NDUFAF6: variants seen among roughly 807,000 people sequenced by gnomAD.
NDUFAF6 encodes the protein NADH dehydrogenase (ubiquinone) complex I, assembly factor 6.
In NDUFAF6, 45 loss-of-function variants were observed where a neutral mutation model predicts 40.8. The ratio of observed to expected loss-of-function variants is 1.10; its 90% confidence interval spans 0.87 to 1.42. NDUFAF6 has a LOEUF of 1.42. Among genes scored for constraint, NDUFAF6 ranks in the 40% most tolerant of loss-of-function variants. The pLI, the probability that NDUFAF6 is intolerant of heterozygous loss-of-function variation, is 0.00. For synonymous variants in NDUFAF6, 185 were observed against 155.9 expected, an observed-to-expected ratio of 1.19 and a Z score of -1.39; for missense variants, 435 against 418.5, an observed-to-expected ratio of 1.04 and a Z score of -0.34.
intron 2 of NDUFAF6, among the ~76,000 whole-genome samples, chr8:95,082,585 G>C (rs549022518): frequency 6.6e-6 from 1 of 151,552 alleles, no homozygotes; most frequent in East Asian, 1.9e-4. Context: ...TGGTAGGGGC[G>C]GGGGTGGGAG....
intron 2 of NDUFAF6, chr8:94,951,383 A>G (rs1822604130): frequency 6.6e-6 from 1 of 152,236 alleles, no homozygotes; most frequent in Non-Finnish European, 1.5e-5. Flanking sequence ...ATAAATGATC[A>G]TTGTTTTAAG....
chr8:94,941,211 T>C (rs960571997), intron 1 of NDUFAF6: 3 of 304,086 alleles, frequency 9.9e-6, no homozygotes, highest in African/African-American at 6.4e-5. Flanking sequence ...ATTCTACAGC[T>C]ATTCCCTTTC....
intron 2 of NDUFAF6, among the ~76,000 whole-genome samples, chr8:95,009,297 CAT>C (rs945016683): frequency 6.6e-6 from 1 of 152,140 alleles, no homozygotes; most frequent in Non-Finnish European, 1.5e-5. Flanking sequence ...TCAGCCAGCA[CAT>C]AATACATATA....
intron 1 of NDUFAF6, among the ~76,000 whole-genome samples, chr8:94,943,827 G>C (rs1438681140): frequency 1.3e-5 from 2 of 152,306 alleles, no homozygotes; most frequent in East Asian, 3.9e-4. Context: ...AGTGTCACTT[G>C]CATAACCAGT....
At chr8:95,048,584 C>A in intron 7 of NDUFAF6, 26 bp downstream of exon 7, 1 of 1,471,618 alleles carries the variant, frequency 6.8e-7, no homozygotes. Context: ...TTTGCCAAAT[C>A]ATTTAGGGAA....
intron 1 of NDUFAF6, chr8:94,927,641 CAATT>C (rs1247538537): frequency 8.6e-5 from 13 of 151,906 alleles, no homozygotes; most frequent in African/African-American, 2.4e-4. Flanking sequence ...GTGCAGTACA[CAATT>C]AGTTGAGAAA....
chr8:94,955,568 TCTC>T (rs1476145148), upstream of NDUFAF6, among the ~76,000 whole-genome samples: 6 of 152,342 alleles, frequency 3.9e-5, no homozygotes, highest in South Asian at 2.1e-4. Flanking sequence ...AAGTATTTTG[TCTC>T]TAATCACCAT....
chr8:94,926,169 A>G (rs1170715881), intron 1 of NDUFAF6: 2 of 152,656 alleles, frequency 1.3e-5, no homozygotes, highest in Non-Finnish European at 2.9e-5. Flanking sequence ...AGTATAAAAA[A>G]TTTCTATAAA....
At chr8:94,956,878 A>T (rs1279701001), upstream of NDUFAF6, among the ~76,000 whole-genome samples, 2 of 152,124 alleles carry the variant, frequency 1.3e-5, no homozygotes. Flanking sequence ...GATACTATTA[A>T]AGGGAATGGG....
At chr8:95,095,541 G>A (rs766680134), upstream of NDUFAF6, among the ~76,000 whole-genome samples, 1 of 152,134 alleles carries the variant, frequency 6.6e-6, no homozygotes, top group Non-Finnish European at 1.5e-5. Context: ...GTTCTGGCCT[G>A]AGGCTGTTAA....
At chr8:94,938,057 C>G (rs1178017114) in intron 1 of NDUFAF6, among the ~76,000 whole-genome samples, 1 of 152,116 alleles carries the variant, frequency 6.6e-6, no homozygotes, top group African/African-American at 2.4e-5. Context: ...GAATTGGGAT[C>G]AATTCATTAT....
At position 95,084,323 on chromosome 8, in the gene NDUFAF6, C is replaced by G. The variant is rs1448209321; in HGVS notation, n.213+8571C>G. Among the ~76,000 whole-genome samples, 52 of 151,988 alleles carry G rather than the reference C, an allele frequency of 3.4e-4. 1 individual carries two copies. The highest frequency in any genetic ancestry group is 5.9e-5 in the Non-Finnish European group (4 of 68,008). On this transcript the variant is annotated intron_variant and non_coding_transcript_variant, in intron 2 of 5. Coordinates refer to the NDUFAF6 transcript ENST00000523184. The stretch of plus-strand genomic sequence containing the variant: ...TCTTTATATATATTTCAGTACATAT[C>G]TCTAAAAGATAAAGACTTTAAAAAA...
intron 1 of NDUFAF6, among the ~76,000 whole-genome samples, chr8:94,967,846 C>T (rs1824135228): frequency 6.6e-6 from 1 of 151,646 alleles, no homozygotes; most frequent in South Asian, 2.1e-4. Flanking sequence ...AAGGCTGAGG[C>T]AGGAGAATCG....
chr8:94,942,754 C>T (rs114436009), intron 1 of NDUFAF6, among the ~76,000 whole-genome samples: 3,336 of 152,238 alleles, frequency 0.022, 132 homozygotes, highest in African/African-American at 0.077. Context: ...AATGACTTTA[C>T]TCTTGAGTGG....
chr8:95,076,371 C>A (rs1437781179), downstream of NDUFAF6, among the ~76,000 whole-genome samples: 2 of 152,182 alleles, frequency 1.3e-5, no homozygotes, highest in Admixed American at 6.5e-5. Context: ...CCATCAACAT[C>A]ATTTCCCACT....
upstream of NDUFAF6, among the ~76,000 whole-genome samples, chr8:95,096,313 C>T (rs1397042786): frequency 2.0e-5 from 3 of 152,090 alleles, no homozygotes; most frequent in Admixed American, 6.6e-5. Flanking sequence ...AAGTATTGGC[C>T]TTTTGGGGAG....
intron 2 of NDUFAF6, among the ~76,000 whole-genome samples, chr8:95,081,247 C>T (rs1343859318): frequency 7.2e-6 from 1 of 139,038 alleles, no homozygotes. Flanking sequence ...TCACTATAAC[C>T]TCTGCCTCCC....
At chr8:94,902,418 CAA>C (rs369670770) in intron 1 of NDUFAF6, among the ~76,000 whole-genome samples, 19 of 132,510 alleles carry the variant, frequency 1.4e-4, no homozygotes, top group East Asian at 2.2e-4. Context: ...GGCCCTGTCT[CAA>C]AAAAAAAAAA....
intron 1 of NDUFAF6, among the ~76,000 whole-genome samples, chr8:94,973,359 C>T (rs1410951916): frequency 6.6e-6 from 1 of 152,146 alleles, no homozygotes; most frequent in Non-Finnish European, 1.5e-5. Context: ...AGAGAGCTCC[C>T]TCATGCCTTC....
Sources: allele counts gnomAD v4.1 joint callset (sites outside exome capture counted in the v4.1 genomes callset), GRCh38; gene constraint gnomAD v4.1.1; transcripts MANE v1.5; gene names NCBI Gene and HGNC (gene_info 2026-07-23, HGNC 2026-07-21).